WDR70: variants seen among roughly 807,000 people sequenced by gnomAD.
WDR70 encodes WD repeat domain 70.
WDR70 carries 53 observed loss-of-function variants against 88.6 expected under a neutral mutation model. The observed-to-expected ratio is 0.60, with a 90% CI of 0.48 to 0.75. The LOEUF is 0.75. Among genes scored for constraint, WDR70 ranks in the 30% least tolerant of loss-of-function variants. The probability of loss-of-function intolerance (pLI) is 0.00; values close to 1 mark genes in which losing one functional copy is unlikely to be tolerated. For synonymous variants in WDR70, 280 were observed against 270.0 expected, an observed-to-expected ratio of 1.04 and a Z score of -0.36; for missense variants, 610 against 823.2, an observed-to-expected ratio of 0.74 and a Z score of 3.17.
chr5:37,676,978 G>C (rs189123559), intron 10 of WDR70, among the ~76,000 whole-genome samples: 8 of 152,122 alleles, frequency 5.3e-5, no homozygotes, highest in African/African-American at 7.2e-5. Context: ...TGTATGTGTC[G>C]AGGAATTTAT....
rs183080893 is a variant in WDR70 at position 37,503,551 on chromosome 5, A to G, written c.841-12963A>G. On this transcript the variant is annotated intron_variant, in intron 8 of 17. Coordinates refer to ENST00000265107, the MANE Select transcript of WDR70 (RefSeq NM_018034.4). ...CTTTTGTTTCTGTGTTAGTTTTCTAAGGATAATGGCCTCCAGCTCCATCCA... is the reference window on the plus strand; with the variant it reads ...CTTTTGTTTCTGTGTTAGTTTTCTAGGGATAATGGCCTCCAGCTCCATCCA... Among the ~76,000 whole-genome samples, 21 of 152,316 alleles carry G rather than the reference A, an allele frequency of 1.4e-4. 1 individual carries two copies. In the East Asian group the frequency reaches 3.3e-3, roughly 24 times the overall value.
At chr5:37,670,149 G>A (rs1300471495) in intron 10 of WDR70, among the ~76,000 whole-genome samples, 1 of 152,078 alleles carries the variant, frequency 6.6e-6, no homozygotes, top group African/African-American at 2.4e-5. Context: ...GAACTACATA[G>A]TTTAAGTGAG....
intron 17 of WDR70, among the ~76,000 whole-genome samples, chr5:37,738,225 A>C (rs749788539): frequency 1.3e-5 from 2 of 152,172 alleles, no homozygotes; most frequent in African/African-American, 2.4e-5. Flanking sequence ...ATTGAAAGTC[A>C]TGGCTATAAT....
At chr5:37,552,781 GCA>G (rs1212087449) in intron 9 of WDR70, among the ~76,000 whole-genome samples, 4 of 152,174 alleles carry the variant, frequency 2.6e-5, no homozygotes, top group Non-Finnish European at 5.9e-5. Context: ...TGAGCTGAAT[GCA>G]CAGAGATAAA....
intron 7 of WDR70, among the ~76,000 whole-genome samples, chr5:37,465,117 T>C (rs1739114589): frequency 6.6e-6 from 1 of 152,234 alleles, no homozygotes; most frequent in South Asian, 2.1e-4. Context: ...AAATTTGGGA[T>C]CCTGGTCAGA....
intron 9 of WDR70, among the ~76,000 whole-genome samples, chr5:37,530,002 G>A (rs1741432014): frequency 6.6e-6 from 1 of 152,030 alleles, no homozygotes; most frequent in Non-Finnish European, 1.5e-5. Context: ...TCCCTTCTAT[G>A]TCAATTTTGC....
intron 4 of WDR70, 151 bp downstream of exon 4, chr5:37,392,271 T>A (rs1389677767): frequency 1.1e-6 from 1 of 893,276 alleles, no homozygotes; most frequent in African/African-American, 1.8e-5. Flanking sequence ...GTAACCTCCA[T>A]CTCCTGGGTT....
intron 13 of WDR70, among the ~76,000 whole-genome samples, chr5:37,713,014 CTT>C (rs1372581434): frequency 6.6e-6 from 1 of 152,140 alleles, no homozygotes; most frequent in African/African-American, 2.4e-5. Context: ...AAAATAATAA[CTT>C]TATAAATTTT....
chr5:37,532,868 G>T (rs1270903839), intron 9 of WDR70, among the ~76,000 whole-genome samples: 1 of 152,064 alleles, frequency 6.6e-6, no homozygotes, highest in Admixed American at 6.6e-5. Context: ...TTGTTTTTCT[G>T]GTTCCTTCTC....
At chr5:37,438,500 T>C (rs919150152) in intron 6 of WDR70, among the ~76,000 whole-genome samples, 6 of 152,114 alleles carry the variant, frequency 3.9e-5, no homozygotes, top group Non-Finnish European at 7.4e-5. Flanking sequence ...ATGAATAATA[T>C]AGAATATTTG....
At chr5:37,482,388 G>A (rs2112163474) in intron 8 of WDR70, among the ~76,000 whole-genome samples, 1 of 152,310 alleles carries the variant, frequency 6.6e-6, no homozygotes, top group Admixed American at 6.5e-5. Flanking sequence ...TCACAATCAT[G>A]GTGGAAGGCA....
intron 5 of WDR70, among the ~76,000 whole-genome samples, chr5:37,408,249 A>G (rs1375197428): frequency 7.2e-5 from 11 of 152,136 alleles, no homozygotes; most frequent in African/African-American, 2.2e-4. Flanking sequence ...AGGTGGGTGC[A>G]TCACCTAAGG....
chr5:37,701,315 T>A (rs949997729), intron 12 of WDR70, among the ~76,000 whole-genome samples, 173 bp downstream of exon 12: 4 of 152,234 alleles, frequency 2.6e-5, no homozygotes, highest in Admixed American at 2.6e-4. Flanking sequence ...TTCACATTCC[T>A]CAGACTTCAA....
intron 4 of WDR70, among the ~76,000 whole-genome samples, chr5:37,394,788 G>C (rs1308098349): frequency 6.6e-6 from 1 of 152,176 alleles, no homozygotes; most frequent in Non-Finnish European, 1.5e-5. Flanking sequence ...AACTTAACCT[G>C]TTCAATTAGA....
At chr5:37,721,853 T>C (rs926268890) in intron 14 of WDR70, 1 of 152,282 alleles carries the variant, frequency 6.6e-6, no homozygotes, top group Admixed American at 6.5e-5. Context: ...TGTTTCTCTC[T>C]CTTAAAGTAC....
intron 10 of WDR70, among the ~76,000 whole-genome samples, chr5:37,663,001 C>G (rs1745741656): frequency 6.6e-6 from 1 of 152,190 alleles, no homozygotes; most frequent in African/African-American, 2.4e-5. Context: ...ACAAGCACAG[C>G]ACAATGCCAG....
At chr5:37,632,665 GTTA>G (rs371100455) in intron 10 of WDR70, among the ~76,000 whole-genome samples, 16 of 152,256 alleles carry the variant, frequency 1.1e-4, no homozygotes, top group South Asian at 2.1e-4. Flanking sequence ...TGTTTTATGT[GTTA>G]TTATAAAAGT....
intron 10 of WDR70, among the ~76,000 whole-genome samples, chr5:37,625,505 C>T (rs10063753): frequency 0.037 from 5,641 of 151,748 alleles, 353 homozygotes; most frequent in African/African-American, 0.13. Flanking sequence ...ATCATTTGCC[C>T]ATATTTTTTG....
intron 5 of WDR70, among the ~76,000 whole-genome samples, chr5:37,411,657 TGGA>T (rs1434115260): frequency 6.6e-6 from 1 of 151,966 alleles, no homozygotes; most frequent in Non-Finnish European, 1.5e-5. Flanking sequence ...ACCTGGGAGG[TGGA>T]GGTTGTAGTG....
Sources: gnomAD v4.1 joint callset for allele counts (sites outside exome capture counted in the v4.1 genomes callset) on GRCh38, gnomAD v4.1.1 for gene constraint, MANE v1.5 for transcripts, NCBI Gene and HGNC (gene_info 2026-07-23, HGNC 2026-07-21) for gene names.